Variants in VSIR observed in about 807,000 individuals in gnomAD.
The protein encoded by VSIR is V-type immunoglobulin domain-containing suppressor of T-cell activation.
In VSIR, 10 loss-of-function variants were observed where a neutral mutation model predicts 31.0. The ratio of observed to expected loss-of-function variants is 0.32; its 90% confidence interval spans 0.20 to 0.55. The LOEUF is 0.55. Ranked by LOEUF, VSIR falls within the 20% of genes least tolerant of loss-of-function variation. The probability of loss-of-function intolerance (pLI) is 0.93; values close to 1 mark genes in which losing one functional copy is unlikely to be tolerated. For synonymous variants in VSIR, 179 were observed against 180.1 expected (o/e 0.99, Z 0.05); for missense variants, 356 against 416.2 (o/e 0.86, Z 1.26).
rs1004845513 is a variant in VSIR at position 71,750,357 on chromosome 10, T to C, written c.*896A>G. The C allele has an allele frequency of 9.9e-5, 15 of 151,866 alleles. No individual in the cohort carries two copies. Among genetic ancestry groups the C allele is most frequent in the African/African-American group, 3.4e-4 (14 of 41,428 alleles). The allele number at this position is 151,866 out of a possible 1,614,324, so 9.4% of individuals were successfully genotyped here. Reference sequence around the variant, plus strand: ...TAGTTTTTAATAGCATCCCGCTTCATACTCAGAAGTGTCCCAGGGTGGACA... The same window carrying C: ...TAGTTTTTAATAGCATCCCGCTTCACACTCAGAAGTGTCCCAGGGTGGACA... On this transcript the variant is annotated 3_prime_UTR_variant, in exon 7 of 7. Transcript: ENST00000394957.
At chr10:71,764,183 G>A (rs999674887) in intron 1 of VSIR, among the ~76,000 whole-genome samples, 4 of 152,216 alleles carry the variant, frequency 2.6e-5, no homozygotes, top group East Asian at 1.9e-4. Context: ...TTCAGGTAAC[G>A]CAGGATCTAG....
In VSIR at chr10:71,750,957, T is replaced by G; in HGVS notation, c.*296A>C. 2.7e-6 allele frequency: 1 copy of G among 371,158 alleles called. No individual in the cohort carries two copies. Among genetic ancestry groups the G allele is most frequent in the Non-Finnish European group, 4.9e-6 (1 of 204,952 alleles). 23.0% of individuals were successfully genotyped at this position (371,158 alleles called of 1,614,324 possible). A position where few individuals can be genotyped will look rare whatever the true frequency, so the allele number is the denominator to read the frequency against. On this transcript the variant is annotated 3_prime_UTR_variant, in exon 7 of 7. Transcript: ENST00000394957. Reference sequence around the variant, plus strand: ...ACGAGAGCTGCTGAAGGGCTGGACGTTCTGAGACTTCTTAAGATGTAAGTC... The same window carrying G: ...ACGAGAGCTGCTGAAGGGCTGGACGGTCTGAGACTTCTTAAGATGTAAGTC...
chr10:71,762,016 T>C lies in VSIR; in HGVS notation c.93A>G (p.Ala31=). The C allele has an allele frequency of 5.0e-6, 8 of 1,602,158 alleles. No homozygotes were observed. Among genetic ancestry groups the C allele is most frequent in the Non-Finnish European group, 5.1e-6 (6 of 1,173,314 alleles). ...LFLAASLGPV[A]AFKVATPYSL... ...AATACGGCGTGGCGACCTTGAAGGC[T>C]GCCACCGGACCTGCTCAGAGAGAGG... The change falls in exon 2 of 7, where the codon GCA becomes GCG. Residue 31 remains alanine (A), a synonymous_variant. Coordinates refer to ENST00000394957, the MANE Select transcript of VSIR (RefSeq NM_022153.2).
At position 71,767,774 on chromosome 10, in the gene VSIR, TG is replaced by T. The variant is rs145219751; in HGVS notation, c.82+5583del. ...CATCTCAGATGTGTTTATTGATACC[TG>T]CCCCCGCAGGAAGTGTCCATTCACA... On this transcript the variant is annotated intron_variant, in intron 1 of 6. Transcript: ENST00000394957. 8.4e-3 allele frequency among the ~76,000 whole-genome samples: 1,286 copies of T among 152,350 alleles called. 6 individuals carry two copies. The highest frequency in any genetic ancestry group is 0.013 in the Non-Finnish European group (898 of 68,026).
Position 71,761,800 on chromosome 10 carries a change from GCCTC to G in VSIR, c.305_308del (p.Gly102AlafsTer34). On this transcript the variant is annotated frameshift_variant, in exon 2 of 7. Transcript: ENST00000394957. LOFTEE classifies it high-confidence loss of function. Reference sequence around the variant, plus strand: ...CGTGGCTGGTGTTGGCAGCCTGGTGGCCTCCATGGTGCAGGTGAAGGTCCTGGAA... The same window carrying G: ...CGTGGCTGGTGTTGGCAGCCTGGTGGCATGGTGCAGGTGAAGGTCCTGGAA... 6.2e-7 allele frequency: 1 copy of G among 1,614,168 alleles called. No homozygotes were observed. Among genetic ancestry groups the G allele is most frequent in the Non-Finnish European group, 8.5e-7 (1 of 1,180,050 alleles).
At chr10:71,759,998 CATACATATAT>C (rs1452213024) in intron 3 of VSIR, among the ~76,000 whole-genome samples, 2 of 49,524 alleles carry the variant, frequency 4.0e-5, no homozygotes, top group Non-Finnish European at 1.0e-4. Flanking sequence ...TACACACACA[CATACATATAT>C]ATACACACAC....
At chr10:71,761,184 A>T (rs1440868643) in intron 2 of VSIR, among the ~76,000 whole-genome samples, 1 of 151,972 alleles carries the variant, frequency 6.6e-6, no homozygotes, top group Non-Finnish European at 1.5e-5. Flanking sequence ...GGGCCCTTGC[A>T]CTCTCACCTG....
chr10:71,761,686 G>GC lies in VSIR; in HGVS notation c.422dup (p.Ser141ArgfsTer48). The GC allele has an allele frequency of 6.2e-7, 1 of 1,613,892 alleles. No individual in the cohort carries two copies. The highest frequency in any genetic ancestry group is 8.5e-7 in the Non-Finnish European group (1 of 1,180,002). On this transcript the variant is annotated frameshift_variant, in exon 2 of 7. Coordinates refer to ENST00000394957, the MANE Select transcript of VSIR (RefSeq NM_022153.2). LOFTEE classifies it high-confidence loss of function. The stretch of plus-strand genomic sequence containing the variant: ...CCACCACCAGGCAGCAGTAGAGGCC[G>GC]CTATCCAGCAGGGTCAGGTTGCGCA...
chr10:71,759,166 T>A (rs1840228158), intron 3 of VSIR, among the ~76,000 whole-genome samples: 2 of 151,858 alleles, frequency 1.3e-5, no homozygotes, highest in African/African-American at 4.8e-5. Flanking sequence ...GCCTCTTGAG[T>A]AGCTGGGACT....
chr10:71,760,004 TATATATAC>T (rs1840287862), intron 3 of VSIR, among the ~76,000 whole-genome samples: 9 of 53,028 alleles, frequency 1.7e-4, no homozygotes, highest in East Asian at 7.6e-4. Flanking sequence ...CACACATACA[TATATATAC>T]ACACACACAT....
At chr10:71,769,331 A>C (rs1038332675) in intron 1 of VSIR, among the ~76,000 whole-genome samples, 1 of 152,066 alleles carries the variant, frequency 6.6e-6, no homozygotes, top group Non-Finnish European at 1.5e-5. Flanking sequence ...AAAGTTTCCA[A>C]CTAGAATTCA....
intron 3 of VSIR, among the ~76,000 whole-genome samples, chr10:71,759,884 C>CACACACACACATAT (rs1554868497): frequency 2.0e-5 from 1 of 49,122 alleles, no homozygotes; most frequent in Admixed American, 2.5e-4. Flanking sequence ...CACACACACA[C>CACACACACACATAT]ATATACACAC....
intron 1 of VSIR, among the ~76,000 whole-genome samples, chr10:71,768,425 C>T (rs1425372350): frequency 1.3e-5 from 2 of 152,174 alleles, no homozygotes; most frequent in Non-Finnish European, 1.5e-5. Flanking sequence ...CCCGCCTCGT[C>T]CTCCCCAAGT....
Position 71,773,496 on chromosome 10 carries a change from C to A in VSIR, c.-57G>T, listed in dbSNP as rs568597909. 6.6e-6 allele frequency: 10 copies of A among 1,519,406 alleles called. No individual in the cohort carries two copies. The highest frequency in any genetic ancestry group is 5.9e-5 in the Admixed American group (3 of 50,904). The allele number at this position is 1,519,406 out of a possible 1,614,324, so 94.1% of individuals were successfully genotyped here. A position where few individuals can be genotyped will look rare whatever the true frequency, so the allele number is the denominator to read the frequency against. On this transcript the variant is annotated 5_prime_UTR_variant, in exon 1 of 7. Coordinates refer to ENST00000394957, the MANE Select transcript of VSIR (RefSeq NM_022153.2). ...TGCCGGGGAGCGGGCGGGACGCGGCCGGCGCGGGGAAGCCTCCCGCGACTG... is the reference window on the plus strand; with the variant it reads ...TGCCGGGGAGCGGGCGGGACGCGGCAGGCGCGGGGAAGCCTCCCGCGACTG...
rs1840263868 is a variant in VSIR, at chr10:71,759,868, T to TACACACACAC, written c.568+999_568+1000insGTGTGTGTGT. 3.1e-5 allele frequency among the ~76,000 whole-genome samples: 3 copies of TACACACACAC among 95,868 alleles called. 1 individual carries two copies. The Admixed American group carries it at 3.5e-4, about 11-fold the overall frequency. 62.9% of individuals were successfully genotyped at this position (95,868 alleles called of 152,430 possible). On this transcript the variant is annotated intron_variant, in intron 3 of 6. Transcript: ENST00000394957. ...ACACATATACACACACACACACATA[T>TACACACACAC]ATATACACACACACACATATACACA... is the stretch of plus-strand genomic sequence containing the variant.
Position 71,773,423 on chromosome 10 carries a change from G to A in VSIR, c.17C>T (p.Ala6Val), listed in dbSNP as rs1234464866. The change falls in exon 1 of 7, where the codon GCC (alanine) becomes GTC (valine). Residue 6 changes from alanine to valine, a missense_variant. Ala to Val is a moderately conservative substitution (Grantham distance 64, BLOSUM62 0). Transcript: ENST00000394957. ...CCAGCGCCAGCTGCCGGCCTCCAGG[G>A]CCGTGGGGACGCCCATGTCGCCGTC... MGVPT[A>V]LEAGSWRWGS... 1.2e-6 allele frequency: 2 copies of A among 1,602,876 alleles called. No individual in the cohort carries two copies. Among genetic ancestry groups the A allele is most frequent in the Admixed American group, 1.7e-5 (1 of 58,712 alleles).
chr10:71,763,180 T>G (rs1250960894), intron 1 of VSIR, among the ~76,000 whole-genome samples: 3 of 152,218 alleles, frequency 2.0e-5, no homozygotes, highest in African/African-American at 7.2e-5. Context: ...TTTTATTTAT[T>G]TATTTGTTTT....
chr10:71,771,172 T>A (rs1840675368), intron 1 of VSIR, among the ~76,000 whole-genome samples: 1 of 152,128 alleles, frequency 6.6e-6, no homozygotes, highest in Non-Finnish European at 1.5e-5. Flanking sequence ...GTCCTGGGAA[T>A]GTCTGTGGGG....
At chr10:71,759,530 C>T (rs1187632391) in intron 3 of VSIR, among the ~76,000 whole-genome samples, 2 of 151,572 alleles carry the variant, frequency 1.3e-5, no homozygotes, top group Non-Finnish European at 2.9e-5. Context: ...ATTCCTGAGG[C>T]CAGGCGTGGT....
Sources: allele counts gnomAD v4.1 joint callset (sites outside exome capture counted in the v4.1 genomes callset), GRCh38; gene constraint gnomAD v4.1.1; transcripts MANE v1.5; gene names NCBI Gene and HGNC (gene_info 2026-07-23, HGNC 2026-07-21).